ANKRD54: variants seen among roughly 807,000 people sequenced by gnomAD.
ANKRD54 encodes the protein ankyrin repeat domain-containing protein 54.
ANKRD54 carries 26 observed loss-of-function variants against 36.2 expected under a neutral mutation model. That is an observed-to-expected ratio of 0.72 (90% CI 0.53 to 1.00). The LOEUF (loss-of-function observed/expected upper bound fraction) is 1.00, where lower values mean the gene tolerates loss of function less well. Ranked by LOEUF, ANKRD54 falls within the 50% of genes least tolerant of loss-of-function variation. The probability of loss-of-function intolerance (pLI) is 0.00; values close to 1 mark genes in which losing one functional copy is unlikely to be tolerated. For synonymous variants in ANKRD54, 209 were observed against 188.4 expected, an observed-to-expected ratio of 1.11 and a Z score of -0.89; for missense variants, 384 against 424.3, an observed-to-expected ratio of 0.91 and a Z score of 0.83.
upstream of ANKRD54, among the ~76,000 whole-genome samples, chr22:37,847,119 C>G (rs914394747): frequency 9.9e-5 from 15 of 151,620 alleles, no homozygotes; most frequent in Non-Finnish European, 1.9e-4. Context: ...TCCCAAAGTG[C>G]TGGGATTACA....
intron 7 of ANKRD54, among the ~76,000 whole-genome samples, chr22:37,832,258 G>A (rs888677049): frequency 1.3e-5 from 2 of 152,062 alleles, no homozygotes; most frequent in South Asian, 2.1e-4. Context: ...GGAAGTGAAC[G>A]GAGGCTTTGA....
upstream of ANKRD54, among the ~76,000 whole-genome samples, chr22:37,845,358 G>A (rs1285894417): frequency 6.6e-6 from 1 of 152,128 alleles, no homozygotes; most frequent in African/African-American, 2.4e-5. Flanking sequence ...TGTTCCTCAA[G>A]CAACATTTCA....
chr22:37,841,552 ACAC>A (rs1569101775), intron 1 of ANKRD54, among the ~76,000 whole-genome samples: 30 of 147,714 alleles, frequency 2.0e-4, no homozygotes, highest in African/African-American at 5.6e-4. Context: ...ACACACACAC[ACAC>A]ACAAAAAACA....
upstream of ANKRD54, chr22:37,849,121 G>C (rs1214137488): frequency 6.7e-6 from 3 of 450,320 alleles, no homozygotes; most frequent in Non-Finnish European, 1.2e-5. Flanking sequence ...CGAGTAGCTG[G>C]AATTACAGGC....
In ANKRD54 at chr22:37,844,159, G is replaced by C. The variant is rs1365897392; in HGVS notation, c.80C>G (p.Pro27Arg). 6.7e-7 allele frequency: 1 copy of C among 1,498,820 alleles called. No individual in the cohort carries two copies. Among genetic ancestry groups the C allele is most frequent in the Non-Finnish European group, 8.8e-7 (1 of 1,131,348 alleles). 92.8% of individuals were successfully genotyped at this position (1,498,820 alleles called of 1,614,324 possible). A position where few individuals can be genotyped will look rare whatever the true frequency, so the allele number is the denominator to read the frequency against. The change falls in exon 1 of 8, where the codon CCG becomes CGG. Residue 27 changes from proline (P) to arginine (R), a missense_variant. Physicochemically the swap from Pro to Arg is moderately radical, Grantham distance 103 (BLOSUM62 -2). This residue lies in a region of ANKRD54 where 195 missense variants were observed against 177.7 expected (regional missense o/e 1.10). Transcript: ENST00000215941. ...SSSEGECAVAPEPLTDAEGLF... is the reference protein window; with the variant it reads ...SSSEGECAVAREPLTDAEGLF... ...GCCCTCAGCGTCAGTCAGCGGCTCC[G>C]GCGCCACCGCGCACTCGCCCTCCGA...
upstream of ANKRD54, among the ~76,000 whole-genome samples, chr22:37,845,907 G>C (rs549989643): frequency 5.3e-5 from 8 of 151,510 alleles, no homozygotes; most frequent in South Asian, 1.7e-3. Context: ...TGGCGCTGTG[G>C]CTCACGCCTG....
At chr22:37,841,848 A>AAAT in intron 1 of ANKRD54, among the ~76,000 whole-genome samples, 1 of 137,872 alleles carries the variant, frequency 7.3e-6, no homozygotes, top group East Asian at 2.0e-4. Flanking sequence ...ACTCTGTCTC[A>AAAT]AAATAAATAA....
intron 4 of ANKRD54, among the ~76,000 whole-genome samples, 183 bp from the exon 5 acceptor site, chr22:37,833,389 C>G (rs1024601077): frequency 6.6e-6 from 1 of 152,166 alleles, no homozygotes; most frequent in Non-Finnish European, 1.5e-5. Context: ...CCCTGTACAG[C>G]AGAGGAAACT....
chr22:37,838,696 T>G, intron 2 of ANKRD54, 98 bp from the exon 3 acceptor site: 3 of 1,206,174 alleles, frequency 2.5e-6, no homozygotes, highest in South Asian at 1.4e-5. Context: ...GGGGTGCCTC[T>G]AGACAAGACA....
At chr22:37,833,326 A>G (rs750995875) in intron 4 of ANKRD54, 120 bp from the exon 5 acceptor site, 14 of 1,273,850 alleles carry the variant, frequency 1.1e-5, no homozygotes, top group Non-Finnish European at 1.6e-5. Flanking sequence ...CCTACTGAGA[A>G]GGTATCGCCA....
intron 1 of ANKRD54, 99 bp downstream of exon 1, chr22:37,843,812 G>C (rs571296768): frequency 5.5e-6 from 5 of 906,886 alleles, no homozygotes; most frequent in Middle Eastern, 4.1e-4. Context: ...CCCCGGCTGA[G>C]GGTCGGGGGC....
At position 37,844,209 on chromosome 22, in the gene ANKRD54, G is replaced by A. The variant is rs1385856542; in HGVS notation, c.30C>T (p.Asp10=). 2 of 1,522,438 alleles carry A rather than the reference G, an allele frequency of 1.3e-6. No homozygotes were observed. Among genetic ancestry groups the A allele is most frequent in the Non-Finnish European group, 8.7e-7 (1 of 1,144,550 alleles). The allele number at this position is 1,522,438 out of a possible 1,614,324, so 94.3% of individuals were successfully genotyped here. ...AGCTCGAGTGGCCTGAGCGCGGCTC[G>A]TCGTCCGCGTCCCCGGCGGCGGCTG... MAAAAGDAD[D]EPRSGHSSSE... Residue 10 remains aspartate, a synonymous_variant, in exon 1 of 8, where the codon GAC becomes GAT. Coordinates refer to ENST00000215941, the MANE Select transcript of ANKRD54 (RefSeq NM_138797.4).
upstream of ANKRD54, chr22:37,844,341 C>T: frequency 1.5e-6 from 2 of 1,353,028 alleles, no homozygotes. Context: ...AGCTGGCGGG[C>T]GGGCAGGGCC....
chr22:37,849,209 C>G, upstream of ANKRD54: 1 of 572,942 alleles, frequency 1.7e-6, no homozygotes, highest in Admixed American at 3.3e-5. Flanking sequence ...TGGTCTCAAA[C>G]CCCCGGCCTC....
rs1459844683 is a variant in ANKRD54, at chr22:37,831,400, C to G, written c.*543G>C. On this transcript the variant is annotated 3_prime_UTR_variant, in exon 8 of 8. Coordinates refer to ENST00000215941, the MANE Select transcript of ANKRD54 (RefSeq NM_138797.4). ...TTGTATTTTTAAGGTCTGGGACTCA[C>G]CAACCCTCCCCTTCCAACCAGAGAA... 6.5e-6 allele frequency: 1 copy of G among 154,552 alleles called. No homozygotes were observed. Among genetic ancestry groups the G allele is most frequent in the East Asian group, 1.9e-4 (1 of 5,262 alleles). 9.6% of individuals were successfully genotyped at this position (154,552 alleles called of 1,614,324 possible).
At position 37,832,737 on chromosome 22, in the gene ANKRD54, T is replaced by C. The variant is rs1418890432; in HGVS notation, c.728A>G (p.His243Arg). The C allele has an allele frequency of 1.2e-6, 2 of 1,614,038 alleles. No homozygotes were observed. The highest frequency in any genetic ancestry group is 1.7e-5 in the Admixed American group (1 of 60,010). ...GCGCTCCAGATACTCCCTCAGCATA[T>C]GGATGATCTGGAACAAGAGGGTGAG... is the stretch of plus-strand genomic sequence containing the variant. ...AVRLEVKQII[H>R]MLREYLERLG... Residue 243 changes from histidine to arginine, a missense_variant, in exon 7 of 8, where the codon CAT becomes CGT. His to Arg is a conservative substitution (Grantham distance 29). Around this residue, in one of 3 missense-constraint regions of ANKRD54, gnomAD observed 179 missense variants for 224.0 expected, o/e 0.80. Transcript: ENST00000215941.
intron 3 of ANKRD54, among the ~76,000 whole-genome samples, chr22:37,837,806 G>C (rs1923734285): frequency 6.6e-6 from 1 of 152,126 alleles, no homozygotes; most frequent in African/African-American, 2.4e-5. Context: ...GGCCAACATG[G>C]TGAAACCCCA....
At chr22:37,833,935 C>A in intron 3 of ANKRD54, 180 bp from the exon 4 acceptor site, 2 of 604,382 alleles carry the variant, frequency 3.3e-6, no homozygotes, top group East Asian at 2.8e-5. Context: ...ATGGGCAAAG[C>A]CCTGAGGGCC....
At chr22:37,837,556 G>A (rs116561031) in intron 3 of ANKRD54, among the ~76,000 whole-genome samples, 5 of 152,216 alleles carry the variant, frequency 3.3e-5, no homozygotes, top group Admixed American at 6.5e-5. Flanking sequence ...AGGATATGGA[G>A]GGCCAACTTC....
Sources: allele counts gnomAD v4.1 joint callset (sites outside exome capture counted in the v4.1 genomes callset), GRCh38; gene constraint gnomAD v4.1.1; regional missense constraint gnomAD v4.1.1; transcripts MANE v1.5; gene names NCBI Gene and HGNC (gene_info 2026-07-23, HGNC 2026-07-21).